The following GPR179 variants were observed in gnomAD, a reference collection of about 807,000 sequenced individuals.
The protein encoded by GPR179 is G protein-coupled receptor 179.
GPR179 carries 52 observed loss-of-function variants against 70.8 expected under a neutral mutation model. The observed-to-expected ratio is 0.73, with a 90% CI of 0.59 to 0.93. The LOEUF (loss-of-function observed/expected upper bound fraction) is 0.93, where lower values mean the gene tolerates loss of function less well. Ranked by LOEUF, GPR179 falls within the 40% of genes least tolerant of loss-of-function variation. The probability of loss-of-function intolerance (pLI) is 0.00; values close to 1 mark genes in which losing one functional copy is unlikely to be tolerated. For missense variants in GPR179, 2,734 were observed against 2,966.8 expected, an observed-to-expected ratio of 0.92 and a Z score of 1.82; for synonymous variants, 1,123 against 1,169.0, an observed-to-expected ratio of 0.96 and a Z score of 0.80.
In GPR179 at chr17:38,328,558, GTCTC is replaced by G; in HGVS notation, c.5007_5010del (p.Glu1669AspfsTer28). ...CCTGACATCTGGAGAAGGGTTTGGG[GTCTC>G]TCTGTGTCTTGAGGACGTGGTTGTG... is the stretch of plus-strand genomic sequence containing the variant. On this transcript the variant is annotated frameshift_variant, in exon 11 of 11. Transcript: ENST00000616987. LOFTEE classifies it low-confidence loss of function (END_TRUNC). 2.5e-6 allele frequency: 4 copies of G among 1,614,022 alleles called. No individual in the cohort carries two copies. The highest frequency in any genetic ancestry group is 3.4e-6 in the Non-Finnish European group (4 of 1,180,018).
At position 38,343,466 on chromosome 17, in the gene GPR179, A is replaced by C; in HGVS notation, c.324T>G (p.Phe108Leu). 1 of 1,614,048 alleles carries C rather than the reference A, an allele frequency of 6.2e-7. No homozygotes were observed. The highest frequency in any genetic ancestry group is 1.3e-5 in the African/African-American group (1 of 75,068). Residue 108 changes from phenylalanine (F) to leucine (L), a missense_variant, in exon 1 of 11, where the codon TTT (phenylalanine) becomes TTG (leucine). By Grantham distance (22) the Phe-to-Leu change is conservative. Transcript: ENST00000616987. The surrounding 1 kb of genome is among the most constrained non-coding windows in gnomAD (Gnocchi z 4.2). ...AAGTLAQAANFLNMLLQANDI... is the reference protein window; with the variant it reads ...AAGTLAQAANLLNMLLQANDI... ...CGTTGGCTTGCAGCAGCATGTTGAG[A>C]AAATTGGCGGCCTGGGCAAGGGTGC... is the stretch of plus-strand genomic sequence containing the variant.
At position 38,343,849 on chromosome 17, in the gene GPR179, G is replaced by C. The variant is rs912408954; in HGVS notation, c.-60C>G. 1 of 1,377,912 alleles carries C rather than the reference G, an allele frequency of 7.3e-7. No individual in the cohort carries two copies. Among genetic ancestry groups the C allele is most frequent in the South Asian group, 1.5e-5 (1 of 65,122 alleles). The allele number at this position is 1,377,912 out of a possible 1,614,324, so 85.4% of individuals were successfully genotyped here. A position where few individuals can be genotyped will look rare whatever the true frequency, so the allele number is the denominator to read the frequency against. On this transcript the variant is annotated 5_prime_UTR_variant, in exon 1 of 11. Coordinates refer to ENST00000616987, the MANE Select transcript of GPR179 (RefSeq NM_001004334.4). The surrounding 1 kb of genome is among the most constrained non-coding windows in gnomAD (Gnocchi z 4.2). ...CTCAGGAGAGCCCAGGCAGAGGCTG[G>C]CTGCAGTCTGGGGGCTGTCGGCCTC...
chr17:38,337,310 T>G, intron 3 of GPR179, 97 bp from the exon 4 acceptor site: 1 of 1,447,572 alleles, frequency 6.9e-7, no homozygotes. Context: ...CTCTCCCTGT[T>G]CTCCTGTGAT....
At position 38,343,642 on chromosome 17, in the gene GPR179, G is replaced by A. The variant is rs767430727; in HGVS notation, c.148C>T (p.Gln50Ter). The change falls in exon 1 of 11, where the codon CAG becomes TAG. Residue 50 changes from glutamine (Q) to a stop codon, truncating the protein, a stop_gained. Transcript: ENST00000616987. LOFTEE classifies it high-confidence loss of function. The surrounding 1 kb of genome is among the most constrained non-coding windows in gnomAD (Gnocchi z 4.2). Reference sequence around the variant, plus strand: ...GCCTCGGCCCCCTCTAGGGGCACCTGCATGGGTACAGATCCTGGCTTGACT... The same window carrying A: ...GCCTCGGCCCCCTCTAGGGGCACCTACATGGGTACAGATCCTGGCTTGACT... ...SQVKPGSVPM[Q>*]VPLEGAEAAL... 2.5e-6 allele frequency: 4 copies of A among 1,613,740 alleles called. No individual in the cohort carries two copies. The East Asian group carries it at 6.7e-5, about 27-fold the overall frequency.
chr17:38,343,004 T>G lies in GPR179; in HGVS notation c.786A>C (p.Pro262=), dbSNP rs772665888. ...TGCACAAACCCACTTACCTGACTTC[T>G]GGGCTGAGGTCTGGCTTGAGTCCAT... ...TFYGLKPDLS[P]EVRGQVQMDV... is the part of the protein sequence containing the mutation. Residue 262 remains proline, a synonymous_variant, in exon 1 of 11, where the codon CCA becomes CCC. Transcript: ENST00000616987. This position sits in a 1 kb window ranked among gnomAD's most constrained non-coding sequence, Gnocchi z 4.2. 4.4e-6 allele frequency: 7 copies of G among 1,601,394 alleles called. No individual in the cohort carries two copies. Among genetic ancestry groups the G allele is most frequent in the Non-Finnish European group, 5.1e-6 (6 of 1,173,070 alleles).
intron 10 of GPR179, 111 bp downstream of exon 10, chr17:38,333,140 G>T: frequency 1.1e-6 from 1 of 937,518 alleles, no homozygotes; most frequent in Non-Finnish European, 1.6e-6. Context: ...GGCAGGTCTT[G>T]GAGGGAAGAG....
At chr17:38,339,550 G>A in intron 1 of GPR179, 25 bp from the exon 2 acceptor site, 1 of 1,539,760 alleles carries the variant, frequency 6.5e-7, no homozygotes, top group Non-Finnish European at 9.0e-7. Context: ...TGGCAATTAG[G>A]GGCACAGTGA....
rs4794776 is a variant in GPR179 at position 38,324,726 on chromosome 17, C to T, written c.*1739G>A. 0.75 allele frequency among the ~76,000 whole-genome samples: 113,985 copies of T among 151,792 alleles called. 47,625 individuals carry two copies. Among genetic ancestry groups the T allele is most frequent in the South Asian group, 0.92 (4,440 of 4,808 alleles). On this transcript the variant is annotated 3_prime_UTR_variant, in exon 11 of 11. Coordinates refer to ENST00000616987, the MANE Select transcript of GPR179 (RefSeq NM_001004334.4). Reference sequence around the variant, plus strand: ...GCAAAATCCACTTTAGCTCAGAAGCCGTAAGGCTAACTAGCCAGAGCCCAG... The same window carrying T: ...GCAAAATCCACTTTAGCTCAGAAGCTGTAAGGCTAACTAGCCAGAGCCCAG...
chr17:38,333,501 C>A, intron 9 of GPR179, 104 bp from the exon 10 acceptor site: 1 of 1,171,312 alleles, frequency 8.5e-7, no homozygotes, highest in Non-Finnish European at 1.2e-6. Flanking sequence ...TGACGCTTCA[C>A]CCCCTTCTCT....
chr17:38,342,959 C>T (rs1237775911), intron 1 of GPR179, 37 bp downstream of exon 1: 2 of 1,547,182 alleles, frequency 1.3e-6, no homozygotes, highest in Admixed American at 3.8e-5. Context: ...CCCCTACATC[C>T]CCACACATGC....
Position 38,339,213 on chromosome 17 carries a change from TA to T in GPR179, c.903+203del, listed in dbSNP as rs200948777. ...GGAATGAGGGCAGGAGCAGGAGGAA[TA>T]GGGGGTGGGGGGGCAGGCTGTAGGT... On this transcript the variant is annotated intron_variant, in intron 2 of 10. Transcript: ENST00000616987. 0.051 allele frequency: 26,318 copies of T among 520,848 alleles called. 911 individuals carry two copies. Among genetic ancestry groups the T allele is most frequent in the Middle Eastern group, 0.19 (385 of 2,030 alleles). The allele number at this position is 520,848 out of a possible 1,614,324, so 32.3% of individuals were successfully genotyped here.
At chr17:38,332,252 G>A (rs1403971092) in intron 10 of GPR179, among the ~76,000 whole-genome samples, 1 of 152,166 alleles carries the variant, frequency 6.6e-6, no homozygotes, top group Non-Finnish European at 1.5e-5. Flanking sequence ...AAACAAGTCA[G>A]GTGTGAAGAC....
intron 2 of GPR179, among the ~76,000 whole-genome samples, chr17:38,338,402 C>A (rs2037423999): frequency 6.6e-6 from 1 of 152,176 alleles, no homozygotes; most frequent in Non-Finnish European, 1.5e-5. Flanking sequence ...ATCAGTGACG[C>A]AAATGAAAGG....
intron 6 of GPR179, 149 bp downstream of exon 6, chr17:38,335,442 G>T: frequency 2.7e-6 from 2 of 751,600 alleles, no homozygotes; most frequent in South Asian, 1.7e-5. Flanking sequence ...AAGTAACATG[G>T]AAGACAAGGC....
chr17:38,330,556 C>T lies in GPR179; in HGVS notation c.3013G>A (p.Glu1005Lys), dbSNP rs2144262400. Residue 1005 changes from glutamate (E) to lysine (K), a missense_variant, in exon 11 of 11, where the codon GAA becomes AAA. Transcript: ENST00000616987. ...GAGGGGCCTTCCTGGGGCACATTTT[C>T]TTGCTTGGCTGGCAGTTCTGCGTTC... ...WENAELPAKQ[E>K]NVPQEGPSGP... 6.4e-7 allele frequency: 1 copy of T among 1,570,944 alleles called. No homozygotes were observed. The highest frequency in any genetic ancestry group is 8.6e-7 in the Non-Finnish European group (1 of 1,161,130).
rs141146547 is a variant in GPR179, at chr17:38,326,771, A to C, written c.6798T>G (p.Phe2266Leu). Residue 2266 changes from phenylalanine (F) to leucine (L), a missense_variant, in exon 11 of 11, where the codon TTT becomes TTG. Phe to Leu is a conservative substitution (Grantham distance 22, BLOSUM62 0). Transcript: ENST00000616987. ...LLALTATRREFFPTAPEKPLC... is the reference protein window; with the variant it reads ...LLALTATRRELFPTAPEKPLC... The stretch of plus-strand genomic sequence containing the variant: ...GTGGTTTTTCAGGAGCTGTGGGGAA[A>C]AATTCTCTCCGAGTTGCTGTTAAAG... 2.3e-4 allele frequency: 368 copies of C among 1,614,206 alleles called. 1 individual carries two copies. In the East Asian group the frequency reaches 7.4e-3, roughly 33 times the overall value.
At position 38,329,376 on chromosome 17, in the gene GPR179, G is replaced by C. The variant is rs2037326988; in HGVS notation, c.4193C>G (p.Ala1398Gly). The C allele has an allele frequency of 1.2e-6, 2 of 1,613,910 alleles. No homozygotes were observed. The highest frequency in any genetic ancestry group is 2.7e-5 in the African/African-American group (2 of 74,882). Residue 1398 changes from alanine to glycine, a missense_variant, in exon 11 of 11, where the codon GCA becomes GGA. Transcript: ENST00000616987. ...CTTTTCCTGAGGGAGATCCTTCACT[G>C]CCTCTTGGGCTGGTTTCCCATCCTC... ...GGEDGKPAQE[A>G]VKDLPQEKQK... is the part of the protein sequence containing the mutation.
intron 2 of GPR179, 77 bp from the exon 3 acceptor site, chr17:38,337,797 G>C: frequency 3.3e-5 from 41 of 1,241,750 alleles, no homozygotes; most frequent in Non-Finnish European, 4.4e-5. Context: ...GAGAGATGGA[G>C]GGTCCATCTA....
intron 1 of GPR179, among the ~76,000 whole-genome samples, chr17:38,341,772 G>T (rs1016356541): frequency 2.0e-5 from 3 of 152,090 alleles, no homozygotes; most frequent in African/African-American, 7.2e-5. Context: ...GATGGCCCTG[G>T]GGACTCAGCC....
Sources: allele counts gnomAD v4.1 joint callset (sites outside exome capture counted in the v4.1 genomes callset), GRCh38; gene constraint gnomAD v4.1.1; non-coding constraint Gnocchi (gnomAD v3.1); transcripts MANE v1.5; gene names NCBI Gene and HGNC (gene_info 2026-07-23, HGNC 2026-07-21).